Variants in TMPRSS13 observed in about 807,000 individuals in gnomAD.
TMPRSS13 encodes transmembrane protease serine 13.
In TMPRSS13, 50 loss-of-function variants were observed where a neutral mutation model predicts 68.4. The ratio of observed to expected loss-of-function variants is 0.73; its 90% CI spans 0.58 to 0.93. TMPRSS13 has a LOEUF of 0.93. Among genes scored for constraint, TMPRSS13 ranks in the 40% least tolerant of loss-of-function variants. TMPRSS13 has a pLI of 0.00. For synonymous variants in TMPRSS13, 267 were observed against 285.8 expected (o/e 0.93, Z 0.66); for missense variants, 615 against 729.2 (o/e 0.84, Z 1.80).
intron 12 of TMPRSS13, chr11:117,903,009 G>A (rs754249591): frequency 2.9e-6 from 3 of 1,029,886 alleles, no homozygotes; most frequent in Non-Finnish European, 3.5e-6. Flanking sequence ...TCTGAGGTTG[G>A]ATATAGGTTA....
chr11:117,910,799 C>T (rs1456859642), intron 6 of TMPRSS13, 49 bp from the exon 7 acceptor site: 3 of 1,544,192 alleles, frequency 1.9e-6, no homozygotes, highest in African/African-American at 1.4e-5. Context: ...TAGCTACCTC[C>T]TCCAGGAAGC....
rs1353432307 is a variant in TMPRSS13 at position 117,903,818 on chromosome 11, G to C, written c.1525-11C>G. 1 of 1,609,088 alleles carries C rather than the reference G, an allele frequency of 6.2e-7. No homozygotes were observed. Among genetic ancestry groups the C allele is most frequent in the Non-Finnish European group, 8.5e-7 (1 of 1,177,854 alleles). The stretch of plus-strand genomic sequence containing the variant: ...CCCCCCGCTGTCTCCCTGCAGGGGA[G>C]AGGGGGCACATTCGCAGGATGGGAC... On this transcript the variant is annotated splice_polypyrimidine_tract_variant and intron_variant, in intron 11 of 12. Transcript: ENST00000524993.
Position 117,908,724 on chromosome 11 carries a change from C to T in TMPRSS13, c.1170G>A (p.Gln390=). Residue 390 remains glutamine, a synonymous_variant, in exon 9 of 13, where the codon CAG becomes CAA. Coordinates refer to ENST00000524993, the MANE Select transcript of TMPRSS13 (RefSeq NM_001077263.3). Reference sequence around the variant, plus strand: ...CGGCAATGGAGGCTGCCTCAGGCAACTGGTGCAGGTTGCTGGTGCCCGCGT... The same window carrying T: ...CGGCAATGGAGGCTGCCTCAGGCAATTGGTGCAGGTTGCTGGTGCCCGCGT... ...KVYAGTSNLH[Q]LPEAASIAEI... The T allele has an allele frequency of 3.1e-6, 5 of 1,608,694 alleles. No homozygotes were observed. Among genetic ancestry groups the T allele is most frequent in the South Asian group, 1.1e-5 (1 of 89,166 alleles).
At position 117,914,826 on chromosome 11, in the gene TMPRSS13, T is replaced by C. The variant is rs551740803; in HGVS notation, c.557-312A>G. 1.1e-4 allele frequency among the ~76,000 whole-genome samples: 16 copies of C among 152,252 alleles called. No individual in the cohort carries two copies. In the South Asian group the frequency reaches 3.1e-3, roughly 30 times the overall value. ...CTTGGGAACTCCCCTCCCTACATGC[T>C]GGCCAACATAGTGGCCAGAGAAACC... On this transcript the variant is annotated intron_variant, in intron 3 of 12. Transcript: ENST00000524993. The surrounding 1 kb of genome is among the most constrained non-coding windows in gnomAD (Gnocchi z 4.2).
intron 12 of TMPRSS13, 79 bp downstream of exon 12, chr11:117,903,576 A>G (rs2845712): frequency 1.2e-6 from 2 of 1,605,098 alleles, no homozygotes; most frequent in Admixed American, 1.7e-5. Flanking sequence ...TCTGCCTACA[A>G]CCTGGGTGCT....
chr11:117,905,855 G>A (rs992733704), intron 9 of TMPRSS13, 119 bp from the exon 10 acceptor site: 1 of 667,218 alleles, frequency 1.5e-6, no homozygotes, highest in East Asian at 3.2e-5. Context: ...ATTAATCCTT[G>A]ACTCTAGAGT....
rs1195656709 is a variant in TMPRSS13, at chr11:117,903,716, T to A, written c.1616A>T (p.Asn539Ile). 1.2e-6 allele frequency: 2 copies of A among 1,613,958 alleles called. No individual in the cohort carries two copies. The highest frequency in any genetic ancestry group is 4.5e-5 in the East Asian group (2 of 44,882). Reference protein sequence around the residue: ...TSWGTGCGQRNKPGVYTKVTE... With the variant: ...TSWGTGCGQRIKPGVYTKVTE... Reference sequence around the variant, plus strand: ...CACTTTGGTGTACACACCAGGTTTGTTTCTCTGGCCACAGCCTGTGCCCCA... The same window carrying A: ...CACTTTGGTGTACACACCAGGTTTGATTCTCTGGCCACAGCCTGTGCCCCA... Residue 539 changes from asparagine (N) to isoleucine (I), a missense_variant, in exon 12 of 13, where the codon AAC becomes ATC. By Grantham distance (149) the Asn-to-Ile change is moderately radical. Coordinates refer to ENST00000524993, the MANE Select transcript of TMPRSS13 (RefSeq NM_001077263.3).
In TMPRSS13 at chr11:117,914,249, G is replaced by T; in HGVS notation, c.679+143C>A. 7 of 1,127,230 alleles carry T rather than the reference G, an allele frequency of 6.2e-6. No homozygotes were observed. Among genetic ancestry groups the T allele is most frequent in the Non-Finnish European group, 9.1e-6 (7 of 772,088 alleles). The allele number at this position is 1,127,230 out of a possible 1,614,324, so 69.8% of individuals were successfully genotyped here. A position where few individuals can be genotyped will look rare whatever the true frequency, so the allele number is the denominator to read the frequency against. On this transcript the variant is annotated intron_variant, in intron 4 of 12. Transcript: ENST00000524993. The surrounding 1 kb of genome is among the most constrained non-coding windows in gnomAD (Gnocchi z 4.2). ...CACATACGTGCACACACACATACAT[G>T]CATACACACAAACATGCACATACAC...
Position 117,908,745 on chromosome 11 carries a change from C to T in TMPRSS13, c.1149G>A (p.Ala383=), listed in dbSNP as rs992579945. 25 of 1,609,404 alleles carry T rather than the reference C, an allele frequency of 1.6e-5. No individual in the cohort carries two copies. Among genetic ancestry groups the T allele is most frequent in the South Asian group, 8.9e-5 (8 of 89,444 alleles). ...EKVLEGWKVY[A]GTSNLHQLPE... ...GCAACTGGTGCAGGTTGCTGGTGCCCGCGTACACCTTCCAGCCCTCCAGGA... is the reference window on the plus strand; with the variant it reads ...GCAACTGGTGCAGGTTGCTGGTGCCTGCGTACACCTTCCAGCCCTCCAGGA... Residue 383 remains alanine (A), a synonymous_variant, in exon 9 of 13, where the codon GCG becomes GCA. Coordinates refer to ENST00000524993, the MANE Select transcript of TMPRSS13 (RefSeq NM_001077263.3).
chr11:117,909,050 C>CG (rs528102269), intron 8 of TMPRSS13, among the ~76,000 whole-genome samples: 52 of 152,254 alleles, frequency 3.4e-4, no homozygotes, highest in African/African-American at 1.2e-3. Context: ...ACTCCCCCCC[C>CG]ACTATCTCCT....
At chr11:117,911,642 C>T in intron 6 of TMPRSS13, 126 bp downstream of exon 6, 2 of 695,184 alleles carry the variant, frequency 2.9e-6, no homozygotes, top group Non-Finnish European at 4.9e-6. Context: ...CCCCTGAACA[C>T]TCATGGTGGA....
At chr11:117,910,465 G>A (rs2057511105) in intron 7 of TMPRSS13, 1 of 505,852 alleles carries the variant, frequency 2.0e-6, no homozygotes, top group South Asian at 3.5e-5. Context: ...AGAAGACTCA[G>A]ACAGCTTCCT....
chr11:117,924,883 C>T (rs953740316), intron 1 of TMPRSS13, among the ~76,000 whole-genome samples: 2 of 152,158 alleles, frequency 1.3e-5, no homozygotes, highest in Admixed American at 6.5e-5. Context: ...ACGCAGTATA[C>T]AGCTCAGGGA....
intron 1 of TMPRSS13, among the ~76,000 whole-genome samples, chr11:117,927,678 A>T (rs2057719784): frequency 6.6e-6 from 1 of 151,956 alleles, no homozygotes; most frequent in Non-Finnish European, 1.5e-5. Flanking sequence ...CTCCCAGACC[A>T]CTCCTATTTA....
chr11:117,910,534 C>T, intron 7 of TMPRSS13, 173 bp downstream of exon 7: 1 of 573,896 alleles, frequency 1.7e-6, no homozygotes, highest in South Asian at 2.8e-5. Flanking sequence ...GGAAATGTTA[C>T]CCTGGGTGTA....
rs1303785868 is a variant in TMPRSS13, at chr11:117,904,058, G to A, written c.1425C>T (p.Ile475=). 6 of 1,614,072 alleles carry A rather than the reference G, an allele frequency of 3.7e-6. No individual in the cohort carries two copies. Among genetic ancestry groups the A allele is most frequent in the African/African-American group, 1.3e-5 (1 of 75,056 alleles). The stretch of plus-strand genomic sequence containing the variant: ...AGTAGTCATTGCATTTCTTGAAGTC[G>A]ATGAGATTGACCTGCACCTCCCGGA... ...PFLREVQVNL[I]DFKKCNDYLV... The change falls in exon 11 of 13, where the codon ATC becomes ATT. Residue 475 remains isoleucine, a synonymous_variant. Transcript: ENST00000524993.
At chr11:117,906,615 A>G (rs1470805411) in intron 9 of TMPRSS13, among the ~76,000 whole-genome samples, 1 of 152,196 alleles carries the variant, frequency 6.6e-6, no homozygotes, top group African/African-American at 2.4e-5. Context: ...CATAAATTGG[A>G]ATTAGGCTTT....
chr11:117,911,830 C>T lies in TMPRSS13; in HGVS notation c.840G>A (p.Arg280=). The stretch of plus-strand genomic sequence containing the variant: ...AGATTGAGAAGCTGTTGGCAAAATC[C>T]CTGTGGGCAACCTCGGTTGTCCGGT... ...SAHRTTEVAH[R]DFANSFSILR... Residue 280 remains arginine (R), a synonymous_variant, in exon 6 of 13, where the codon AGG becomes AGA. Coordinates refer to ENST00000524993, the MANE Select transcript of TMPRSS13 (RefSeq NM_001077263.3). 3 of 1,614,094 alleles carry T rather than the reference C, an allele frequency of 1.9e-6. No homozygotes were observed. In the South Asian group the frequency reaches 3.3e-5, roughly 18 times the overall value.
At position 117,929,274 on chromosome 11, in the gene TMPRSS13, A is replaced by G; in HGVS notation, c.21+13T>C. On this transcript the variant is annotated intron_variant, in intron 1 of 12. Transcript: ENST00000524993. ...CTGGGAGAATCTGGCCCGAGGCCTG[A>G]GGTCACACTCACCCCGTGGCTGTCC... The G allele has an allele frequency of 1.2e-6, 2 of 1,601,262 alleles. No individual in the cohort carries two copies. Among genetic ancestry groups the G allele is most frequent in the Non-Finnish European group, 1.7e-6 (2 of 1,174,376 alleles).
Sources: allele counts gnomAD v4.1 joint callset (sites outside exome capture counted in the v4.1 genomes callset), GRCh38; gene constraint gnomAD v4.1.1; non-coding constraint Gnocchi (gnomAD v3.1); transcripts MANE v1.5; gene names NCBI Gene and HGNC (gene_info 2026-07-23, HGNC 2026-07-21).